Variants in SHC4 observed in about 807,000 individuals in gnomAD.
SHC4 encodes SHC-transforming protein 4.
Under a neutral mutation model 69.4 loss-of-function variants are expected in SHC4, and 41 were observed. The observed-to-expected ratio is 0.59, with a 90% confidence interval of 0.46 to 0.77. The LOEUF (loss-of-function observed/expected upper bound fraction) is 0.77, where lower values mean the gene tolerates loss of function less well. Among genes scored for constraint, SHC4 ranks in the 30% least tolerant of loss-of-function variants. The pLI, the probability that SHC4 is intolerant of heterozygous loss-of-function variation, is 0.00. For missense variants in SHC4, 777 were observed against 783.8 expected, an observed-to-expected ratio of 0.99 and a Z score of 0.10; for synonymous variants, 318 against 299.3, an observed-to-expected ratio of 1.06 and a Z score of -0.64.
intron 6 of SHC4, among the ~76,000 whole-genome samples, chr15:48,864,516 T>C (rs199623546): frequency 7.2e-6 from 1 of 139,710 alleles, no homozygotes; most frequent in Non-Finnish European, 1.5e-5. Context: ...GGCGTGATCT[T>C]GGCTCACTGC....
intron 1 of SHC4, among the ~76,000 whole-genome samples, chr15:48,956,638 T>C (rs1421328180): frequency 6.6e-6 from 1 of 152,126 alleles, no homozygotes; most frequent in Middle Eastern, 3.2e-3. Context: ...TCTTGGATGC[T>C]GTTCTACCAC....
intron 8 of SHC4, among the ~76,000 whole-genome samples, chr15:48,852,747 C>T (rs1038447095): frequency 5.3e-5 from 8 of 151,842 alleles, no homozygotes; most frequent in African/African-American, 1.9e-4. Context: ...ACTAAAAATA[C>T]AAACATTAGC....
At chr15:48,924,770 G>T (rs1900817653) in intron 2 of SHC4, 109 bp downstream of exon 2, 2 of 1,168,170 alleles carry the variant, frequency 1.7e-6, no homozygotes, top group Admixed American at 1.8e-5. Context: ...CCAGTCGCGT[G>T]AATAAAAGTG....
chr15:48,914,558 G>A (rs976716760), intron 2 of SHC4, among the ~76,000 whole-genome samples: 6 of 152,134 alleles, frequency 3.9e-5, no homozygotes, highest in African/African-American at 1.2e-4. Flanking sequence ...AATTAGAAGA[G>A]GCCACTACAC....
rs772587055 is a variant in SHC4 at position 48,826,068 on chromosome 15, T to C, written c.1796A>G (p.Asp599Gly). Residue 599 changes from aspartate to glycine, a missense_variant, in exon 12 of 12, where the codon GAT becomes GGT. Transcript: ENST00000332408. The stretch of plus-strand genomic sequence containing the variant: ...AGAGGAGATGATTGGCAAACTGTTA[T>C]CCATATGGTATCTGATAAGGTGGCC... ...NVGHLIRYHM[D>G]NSLPIISSGS... 4 of 1,613,962 alleles carry C rather than the reference T, an allele frequency of 2.5e-6. No homozygotes were observed. Among genetic ancestry groups the C allele is most frequent in the South Asian group, 2.2e-5 (2 of 91,076 alleles).
Position 48,896,118 on chromosome 15 carries a change from T to C in SHC4, c.657-5307A>G, listed in dbSNP as rs534503585. ...AAATAGTAGTTATTAATTTTTTGAA[T>C]TGGAGACTCTAAGATGAGCCATGCC... is the stretch of plus-strand genomic sequence containing the variant. On this transcript the variant is annotated intron_variant, in intron 2 of 11. Transcript: ENST00000332408. Among the ~76,000 whole-genome samples the C allele has an allele frequency of 1.3e-4, 20 of 152,234 alleles. No homozygotes were observed. The South Asian group carries it at 3.9e-3, about 30-fold the overall frequency.
chr15:48,901,000 C>T (rs1595750586), intron 2 of SHC4, among the ~76,000 whole-genome samples: 2 of 152,308 alleles, frequency 1.3e-5, no homozygotes, highest in African/African-American at 4.8e-5. Context: ...GCTGTTGTAG[C>T]TAGAAAAACA....
At chr15:48,851,054 A>G in intron 9 of SHC4, 134 bp downstream of exon 9, 2 of 748,468 alleles carry the variant, frequency 2.7e-6, no homozygotes, top group South Asian at 4.1e-5. Flanking sequence ...TGAGAAGCCT[A>G]CAGTCAAAGG....
intron 1 of SHC4, among the ~76,000 whole-genome samples, chr15:48,953,382 A>G (rs1241908703): frequency 1.3e-5 from 2 of 152,170 alleles, no homozygotes; most frequent in Non-Finnish European, 2.9e-5. Flanking sequence ...AAGTTTACCT[A>G]TGTAACATGT....
chr15:48,936,952 A>C (rs2141031233), intron 1 of SHC4, among the ~76,000 whole-genome samples: 1 of 152,316 alleles, frequency 6.6e-6, no homozygotes, highest in African/African-American at 2.4e-5. Flanking sequence ...GAGCACAGAC[A>C]AAGTCACCCA....
At chr15:48,849,037 A>T (rs968453588) in intron 9 of SHC4, among the ~76,000 whole-genome samples, 3 of 152,098 alleles carry the variant, frequency 2.0e-5, no homozygotes, top group African/African-American at 7.2e-5. Flanking sequence ...TATTTAATGG[A>T]GAGGAGAGAA....
intron 1 of SHC4, among the ~76,000 whole-genome samples, chr15:48,953,424 A>G (rs866110530): frequency 6.6e-6 from 1 of 152,162 alleles, no homozygotes; most frequent in Non-Finnish European, 1.5e-5. Context: ...GTTAAAAAAA[A>G]ACAAACACTG....
At chr15:48,951,084 G>A (rs1901357884) in intron 1 of SHC4, among the ~76,000 whole-genome samples, 1 of 151,930 alleles carries the variant, frequency 6.6e-6, no homozygotes, top group Non-Finnish European at 1.5e-5. Context: ...CTCTCCTTGT[G>A]GCAGCCTTGT....
intron 9 of SHC4, among the ~76,000 whole-genome samples, chr15:48,847,385 A>G (rs1436618749): frequency 6.6e-6 from 1 of 152,106 alleles, no homozygotes; most frequent in Non-Finnish European, 1.5e-5. Flanking sequence ...ACATTATTCT[A>G]TTTTGCTAAT....
At chr15:48,884,538 A>T (rs1015556399) in intron 3 of SHC4, among the ~76,000 whole-genome samples, 171 bp from the exon 4 acceptor site, 30 of 148,162 alleles carry the variant, frequency 2.0e-4, no homozygotes, top group African/African-American at 2.8e-4. Flanking sequence ...ACTTTTTTTT[A>T]AATTAGGATG....
chr15:48,861,415 T>C (rs1335543708), intron 6 of SHC4, among the ~76,000 whole-genome samples: 1 of 152,240 alleles, frequency 6.6e-6, no homozygotes, highest in East Asian at 1.9e-4. Context: ...AGTTCCATTG[T>C]TGCCTCTCAT....
At chr15:48,833,508 TC>T (rs1361462423) in intron 11 of SHC4, among the ~76,000 whole-genome samples, 1 of 152,084 alleles carries the variant, frequency 6.6e-6, no homozygotes, top group African/African-American at 2.4e-5. Flanking sequence ...CACACTTCAC[TC>T]CCCTCCCTCC....
intron 11 of SHC4, 42 bp from the exon 12 acceptor site, chr15:48,826,168 A>G (rs1281510449): frequency 6.4e-7 from 1 of 1,555,540 alleles, no homozygotes; most frequent in African/African-American, 1.4e-5. Context: ...AAATTATAGT[A>G]GTTCTCCTGA....
intron 7 of SHC4, among the ~76,000 whole-genome samples, 200 bp downstream of exon 7, chr15:48,857,492 T>C (rs1412364683): frequency 2.0e-5 from 3 of 152,142 alleles, no homozygotes; most frequent in African/African-American, 7.2e-5. Flanking sequence ...AGCAAGAGGA[T>C]ATAACTGGAT....
Sources: gnomAD v4.1 joint callset for allele counts (sites outside exome capture counted in the v4.1 genomes callset) on GRCh38, gnomAD v4.1.1 for gene constraint, MANE v1.5 for transcripts, NCBI Gene and HGNC (gene_info 2026-07-23, HGNC 2026-07-21) for gene names.